ASIC2: variants seen among roughly 807,000 people sequenced by gnomAD.
ASIC2 encodes the protein acid-sensing ion channel 2.
In ASIC2, 25 loss-of-function variants were observed where a neutral mutation model predicts 57.3. That is an observed-to-expected ratio of 0.44 (90% CI 0.32 to 0.61). ASIC2 has a LOEUF of 0.61. Among genes scored for constraint, ASIC2 ranks in the 20% least tolerant of loss-of-function variants. ASIC2 has a pLI of 0.06. For synonymous variants in ASIC2, 319 were observed against 307.5 expected (o/e 1.04, Z -0.39); for missense variants, 641 against 738.1 (o/e 0.87, Z 1.52).
At chr17:34,064,239 T>C (rs1909081760) in intron 1 of ASIC2, among the ~76,000 whole-genome samples, 1 of 152,130 alleles carries the variant, frequency 6.6e-6, no homozygotes, top group South Asian at 2.1e-4. Context: ...TCCAGCCAAC[T>C]GACCTTTAAC....
chr17:34,076,540 T>A (rs780562162), intron 1 of ASIC2, among the ~76,000 whole-genome samples: 1 of 152,160 alleles, frequency 6.6e-6, no homozygotes, highest in Non-Finnish European at 1.5e-5. Context: ...AAAAAGTATA[T>A]CCCAGGTGCT....
At chr17:33,838,326 C>G (rs1913331484) in intron 1 of ASIC2, among the ~76,000 whole-genome samples, 1 of 152,074 alleles carries the variant, frequency 6.6e-6, no homozygotes, top group African/African-American at 2.4e-5. Flanking sequence ...TTAAGTATCC[C>G]CAGTGTTCGA....
chr17:33,509,859 C>T (rs1482253777), intron 1 of ASIC2, among the ~76,000 whole-genome samples: 1 of 152,216 alleles, frequency 6.6e-6, no homozygotes, highest in Non-Finnish European at 1.5e-5. Context: ...GGGTTCTGCC[C>T]TAGCCTTGCC....
intron 1 of ASIC2, among the ~76,000 whole-genome samples, chr17:33,694,080 G>C (rs1326873590): frequency 6.6e-6 from 1 of 152,168 alleles, no homozygotes; most frequent in Admixed American, 6.5e-5. Context: ...GTAGCTCTAA[G>C]ATTTTTTCCC....
At chr17:34,121,903 T>C (rs1911632028) in intron 1 of ASIC2, among the ~76,000 whole-genome samples, 1 of 152,220 alleles carries the variant, frequency 6.6e-6, no homozygotes, top group Admixed American at 6.5e-5. Flanking sequence ...ATCAACTCCT[T>C]CAGGAGTCTT....
chr17:33,020,221 T>G (rs2091829594), intron 7 of ASIC2, among the ~76,000 whole-genome samples: 1 of 152,188 alleles, frequency 6.6e-6, no homozygotes, highest in Non-Finnish European at 1.5e-5. Flanking sequence ...TGCCAGAAAC[T>G]ACTATTTATG....
chr17:33,408,468 G>A (rs146182572), intron 1 of ASIC2, among the ~76,000 whole-genome samples: 1 of 152,322 alleles, frequency 6.6e-6, no homozygotes, highest in African/African-American at 2.4e-5. Flanking sequence ...TGTGAGCTCA[G>A]TTTGTGCATC....
chr17:33,698,762 G>C (rs1476123835), intron 1 of ASIC2, among the ~76,000 whole-genome samples: 1 of 152,126 alleles, frequency 6.6e-6, no homozygotes, highest in Non-Finnish European at 1.5e-5. Context: ...AAGGGCACGA[G>C]GCTGCGGTAT....
At chr17:33,790,038 G>A (rs558922768) in intron 1 of ASIC2, among the ~76,000 whole-genome samples, 1 of 152,350 alleles carries the variant, frequency 6.6e-6, no homozygotes, top group Non-Finnish European at 1.5e-5. Context: ...GACATGGAAA[G>A]TTGTATAATG....
intron 1 of ASIC2, among the ~76,000 whole-genome samples, chr17:33,630,234 C>G (rs1361208718): frequency 6.6e-6 from 1 of 152,168 alleles, no homozygotes; most frequent in Non-Finnish European, 1.5e-5. Context: ...TCAGTTCCTT[C>G]CTTCCCCATC....
At chr17:33,584,794 G>C (rs1009826397) in intron 1 of ASIC2, among the ~76,000 whole-genome samples, 1 of 152,068 alleles carries the variant, frequency 6.6e-6, no homozygotes, top group Non-Finnish European at 1.5e-5. Context: ...AGAAGGATTC[G>C]GAAGCCTGAG....
At chr17:33,191,241 G>A (rs1906406171) in intron 1 of ASIC2, among the ~76,000 whole-genome samples, 1 of 152,152 alleles carries the variant, frequency 6.6e-6, no homozygotes, top group African/African-American at 2.4e-5. Context: ...AGACAACATT[G>A]TATAATTCCA....
chr17:33,961,050 G>A (rs1325745452), intron 1 of ASIC2, among the ~76,000 whole-genome samples: 1 of 152,214 alleles, frequency 6.6e-6, no homozygotes, highest in Non-Finnish European at 1.5e-5. Flanking sequence ...CAGCCAGCTA[G>A]GCATGAGATG....
chr17:33,666,046 C>A (rs1056699418), intron 1 of ASIC2, among the ~76,000 whole-genome samples: 1 of 152,148 alleles, frequency 6.6e-6, no homozygotes, highest in Non-Finnish European at 1.5e-5. Context: ...TGGCACCCGA[C>A]GTGAGAATGG....
chr17:33,409,192 G>T (rs1427343105), intron 1 of ASIC2, among the ~76,000 whole-genome samples: 1 of 152,156 alleles, frequency 6.6e-6, no homozygotes, highest in Non-Finnish European at 1.5e-5. Context: ...TCCAGCCTGG[G>T]TGACAGAGTG....
intron 1 of ASIC2, among the ~76,000 whole-genome samples, chr17:33,904,601 G>A (rs1567751873): frequency 2.6e-5 from 4 of 152,136 alleles, no homozygotes; most frequent in South Asian, 2.1e-4. Flanking sequence ...GAGGATTTAG[G>A]AGTCTCAGGA....
chr17:33,051,591 T>G (rs911279433), intron 3 of ASIC2, among the ~76,000 whole-genome samples: 1 of 152,216 alleles, frequency 6.6e-6, no homozygotes, highest in African/African-American at 2.4e-5. Context: ...TCAGATGTCC[T>G]AAGCTTGAAA....
Position 33,985,784 on chromosome 17 carries a change from T to A in ASIC2, c.555+170194A>T, listed in dbSNP as rs117853056. ...CCACTCCTCTGTCTAAAGCTGGTAA[T>A]GTAGAAGTCTTTACATTGGCTGAAA... On this transcript the variant is annotated intron_variant, in intron 1 of 9. Coordinates refer to the ASIC2 transcript ENST00000359872. 1.5e-3 allele frequency among the ~76,000 whole-genome samples: 231 copies of A among 152,322 alleles called. 6 individuals carry two copies. In the East Asian group the frequency reaches 0.038, roughly 25 times the overall value.
At chr17:33,610,333 T>G (rs1247325516) in intron 1 of ASIC2, among the ~76,000 whole-genome samples, 1 of 151,998 alleles carries the variant, frequency 6.6e-6, no homozygotes, top group African/African-American at 2.4e-5. Context: ...TTTTTTGTAT[T>G]TATAGTAGAG....
Sources: gnomAD v4.1 joint callset for allele counts (sites outside exome capture counted in the v4.1 genomes callset) on GRCh38, gnomAD v4.1.1 for gene constraint, MANE v1.5 for transcripts, NCBI Gene and HGNC (gene_info 2026-07-23, HGNC 2026-07-21) for gene names.